SFMBT2: variants seen among roughly 807,000 people sequenced by gnomAD.
The protein encoded by SFMBT2 is scm-like with four MBT domains protein 2.
Under a neutral mutation model 110.1 loss-of-function variants are expected in SFMBT2, and 38 were observed. That is an observed-to-expected ratio of 0.35 (90% CI 0.27 to 0.45). SFMBT2 has a LOEUF of 0.45. Among genes scored for constraint, SFMBT2 ranks in the 20% least tolerant of loss-of-function variants. The pLI is 1.00. For synonymous variants in SFMBT2, 425 were observed against 425.4 expected (o/e 1.00, Z 0.01); for missense variants, 1,011 against 1,094.9 (o/e 0.92, Z 1.08).
intron 15 of SFMBT2, among the ~76,000 whole-genome samples, chr10:7,194,813 C>T (rs980217863): frequency 1.1e-4 from 16 of 152,154 alleles, no homozygotes; most frequent in South Asian, 6.2e-4. Flanking sequence ...GCTCTGGACT[C>T]GGCTTTAAAT....
At chr10:7,254,800 C>T (rs1840941734) in intron 7 of SFMBT2, among the ~76,000 whole-genome samples, 1 of 152,078 alleles carries the variant, frequency 6.6e-6, no homozygotes, top group African/African-American at 2.4e-5. Flanking sequence ...TGCACTCAAG[C>T]CTGGCAACAG....
intron 9 of SFMBT2, among the ~76,000 whole-genome samples, chr10:7,228,697 T>G (rs1041786821): frequency 2.3e-5 from 3 of 129,198 alleles, no homozygotes; most frequent in Non-Finnish European, 4.9e-5. Flanking sequence ...CTTTCTTTCT[T>G]TCTTTCTTTC....
chr10:7,350,961 T>TA (rs1376681559), intron 4 of SFMBT2, among the ~76,000 whole-genome samples: 1 of 152,230 alleles, frequency 6.6e-6, no homozygotes, highest in African/African-American at 2.4e-5. Flanking sequence ...GCTCCTCTGG[T>TA]AAAAGGCATT....
intron 4 of SFMBT2, among the ~76,000 whole-genome samples, chr10:7,326,061 T>C (rs1314849545): frequency 2.6e-5 from 4 of 152,226 alleles, no homozygotes; most frequent in African/African-American, 7.2e-5. Context: ...TACACTGATA[T>C]GTATGTGTTG....
intron 2 of SFMBT2, among the ~76,000 whole-genome samples, chr10:7,372,105 A>G (rs995716905): frequency 6.6e-5 from 10 of 151,606 alleles, no homozygotes; most frequent in Non-Finnish European, 1.3e-4. Flanking sequence ...TTTAGTAGAG[A>G]TGGGGTTTCG....
chr10:7,279,217 G>A (rs557232721), intron 6 of SFMBT2, among the ~76,000 whole-genome samples: 5 of 152,240 alleles, frequency 3.3e-5, no homozygotes, highest in Admixed American at 6.5e-5. Context: ...TTGCCTGCAC[G>A]CTGGCCCAGG....
chr10:7,389,466 A>T (rs1845710289), intron 1 of SFMBT2, among the ~76,000 whole-genome samples: 1 of 152,242 alleles, frequency 6.6e-6, no homozygotes, highest in Non-Finnish European at 1.5e-5. Context: ...TTCCAAAGAC[A>T]ATACAAAAAA....
rs376019712 is a variant in SFMBT2 at position 7,176,174 on chromosome 10, T to C, written c.1809-9A>G. On this transcript the variant is annotated splice_polypyrimidine_tract_variant and intron_variant, in intron 16 of 20. Transcript: ENST00000397167. Reference sequence around the variant, plus strand: ...ATGTTTTGCCTCTGTATCTAGAAAATAGGTGGGGAAGAAAAGCGAGGGCAA... The same window carrying C: ...ATGTTTTGCCTCTGTATCTAGAAAACAGGTGGGGAAGAAAAGCGAGGGCAA... 7.1e-5 allele frequency: 115 copies of C among 1,613,892 alleles called. 1 individual carries two copies. The African/African-American group carries it at 9.5e-4, about 13-fold the overall frequency.
At position 7,171,064 on chromosome 10, in the gene SFMBT2, G is replaced by C; in HGVS notation, c.2416-8C>G. 1.2e-6 allele frequency: 2 copies of C among 1,614,086 alleles called. No homozygotes were observed. The highest frequency in any genetic ancestry group is 1.7e-6 in the Non-Finnish European group (2 of 1,179,956). ...CTCCTCCTGTTTCGTGTCCTGCAGA[G>C]AAAGGGCAGGAGGAGCTCAGCTGCG... On this transcript the variant is annotated splice_region_variant and splice_polypyrimidine_tract_variant and intron_variant, in intron 19 of 20. Coordinates refer to ENST00000397167, the MANE Select transcript of SFMBT2 (RefSeq NM_001387889.1). This position sits in a 1 kb window ranked among gnomAD's most constrained non-coding sequence, Gnocchi z 4.9.
chr10:7,258,147 G>A (rs1841089007), intron 7 of SFMBT2, among the ~76,000 whole-genome samples: 1 of 151,496 alleles, frequency 6.6e-6, no homozygotes, highest in Admixed American at 6.6e-5. Flanking sequence ...TGCTCAGGCT[G>A]GTCTCAAACT....
At chr10:7,377,816 C>T (rs1441517908) in intron 2 of SFMBT2, among the ~76,000 whole-genome samples, 1 of 152,182 alleles carries the variant, frequency 6.6e-6, no homozygotes. Context: ...CGTAACAGCC[C>T]ATGGACCAGT....
intron 7 of SFMBT2, among the ~76,000 whole-genome samples, chr10:7,273,216 T>C (rs1241484604): frequency 2.0e-5 from 3 of 152,238 alleles, no homozygotes; most frequent in South Asian, 2.1e-4. Flanking sequence ...GAAGGAAATG[T>C]AGACAGCATT....
At chr10:7,409,262 CAGTT>C (rs1846306350) in intron 1 of SFMBT2, 1 of 152,222 alleles carries the variant, frequency 6.6e-6, no homozygotes, top group Non-Finnish European at 1.5e-5. Context: ...ATACCCGGGA[CAGTT>C]AGTCCTTTTA....
chr10:7,311,045 C>CAA (rs201310544), intron 4 of SFMBT2, among the ~76,000 whole-genome samples: 13 of 96,926 alleles, frequency 1.3e-4, no homozygotes, highest in East Asian at 6.3e-4. Flanking sequence ...AACTCCATCT[C>CAA]AAAAAAAAAA....
At chr10:7,285,032 A>G (rs930056485) in intron 5 of SFMBT2, 1 of 152,260 alleles carries the variant, frequency 6.6e-6, no homozygotes, top group Non-Finnish European at 1.5e-5. Context: ...TGACGTTCTA[A>G]AATGTCAATA....
chr10:7,338,268 G>T (rs1183693687), intron 4 of SFMBT2, among the ~76,000 whole-genome samples: 1 of 152,114 alleles, frequency 6.6e-6, no homozygotes, highest in African/African-American at 2.4e-5. Context: ...AGTAAAATGT[G>T]CATGAACTTC....
At chr10:7,249,919 G>T (rs1840747896) in intron 7 of SFMBT2, among the ~76,000 whole-genome samples, 1 of 152,094 alleles carries the variant, frequency 6.6e-6, no homozygotes, top group Non-Finnish European at 1.5e-5. Flanking sequence ...GTCCAAAGAG[G>T]ACATTAATCA....
rs550435708 is a variant in SFMBT2, at chr10:7,192,969, C to CA, written c.1699-4237dup. On this transcript the variant is annotated intron_variant, in intron 15 of 20. Coordinates refer to ENST00000397167, the MANE Select transcript of SFMBT2 (RefSeq NM_001387889.1). ...AACGGGGTGGAGAGTTACACTGGAG[C>CA]AAAAAAACAAGCCCTGAGAAGCGCC... is the stretch of plus-strand genomic sequence containing the variant. Among the ~76,000 whole-genome samples, 7 of 152,142 alleles carry CA rather than the reference C, an allele frequency of 4.6e-5. No individual in the cohort carries two copies. The South Asian group carries it at 6.2e-4, about 14-fold the overall frequency.
At chr10:7,407,534 C>T (rs906850430) in intron 1 of SFMBT2, among the ~76,000 whole-genome samples, 4 of 152,138 alleles carry the variant, frequency 2.6e-5, no homozygotes, top group Admixed American at 1.3e-4. Flanking sequence ...GGTTGGTGCG[C>T]GGGGCCCCGG....
Sources: gnomAD v4.1 joint callset for allele counts (sites outside exome capture counted in the v4.1 genomes callset) on GRCh38, gnomAD v4.1.1 for gene constraint, Gnocchi (gnomAD v3.1) non-coding constraint, MANE v1.5 for transcripts, NCBI Gene and HGNC (gene_info 2026-07-23, HGNC 2026-07-21) for gene names.